CACNA2D3: variants seen among roughly 807,000 people sequenced by gnomAD.
The protein encoded by CACNA2D3 is voltage-dependent calcium channel subunit alpha-2/delta-3.
In CACNA2D3, 60 loss-of-function variants were observed where a neutral mutation model predicts 160.6. That is an observed-to-expected ratio of 0.37 (90% CI 0.30 to 0.46). The LOEUF (loss-of-function observed/expected upper bound fraction) is 0.46. Among genes scored for constraint, CACNA2D3 ranks in the 20% least tolerant of loss-of-function variants. The probability of loss-of-function intolerance (pLI) is 1.00; values close to 1 mark genes in which losing one functional copy is unlikely to be tolerated. For synonymous variants in CACNA2D3, 558 were observed against 492.9 expected (o/e 1.13, Z -1.75); for missense variants, 1,205 against 1,365.0 (o/e 0.88, Z 1.85).
chr3:54,215,885 T>C (rs1009746709), intron 2 of CACNA2D3, among the ~76,000 whole-genome samples: 10 of 65,478 alleles, frequency 1.5e-4, no homozygotes, highest in Non-Finnish European at 3.1e-4. Context: ...TTTTCTTTTC[T>C]TTTTTTTTTC....
chr3:54,694,747 C>T (rs1198231541), intron 11 of CACNA2D3, among the ~76,000 whole-genome samples: 1 of 152,168 alleles, frequency 6.6e-6, no homozygotes, highest in Non-Finnish European at 1.5e-5. Flanking sequence ...CACATGCTTA[C>T]CCCCTCCTCT....
chr3:54,947,200 A>G (rs1701638273), intron 27 of CACNA2D3, among the ~76,000 whole-genome samples: 1 of 152,210 alleles, frequency 6.6e-6, no homozygotes, highest in African/African-American at 2.4e-5. Context: ...TAACTTGCCT[A>G]AATCCCTTCC....
intron 4 of CACNA2D3, among the ~76,000 whole-genome samples, chr3:54,461,860 TGTGATGTTAGG>T (rs1432270311): frequency 9.2e-5 from 14 of 152,348 alleles, no homozygotes; most frequent in Admixed American, 3.9e-4. Flanking sequence ...TTCTTTTAAT[TGTGATGTTAGG>T]GTGTCAATTT....
At chr3:54,589,070 G>C (rs1017032526) in intron 9 of CACNA2D3, among the ~76,000 whole-genome samples, 1 of 151,954 alleles carries the variant, frequency 6.6e-6, no homozygotes, top group African/African-American at 2.4e-5. Flanking sequence ...ATAGTAAGAT[G>C]ATCTTAAAGA....
At chr3:54,455,460 T>A (rs1290317100) in intron 4 of CACNA2D3, among the ~76,000 whole-genome samples, 1 of 152,164 alleles carries the variant, frequency 6.6e-6, no homozygotes, top group African/African-American at 2.4e-5. Flanking sequence ...TGTATGAGTT[T>A]TTTGTATAAT....
At chr3:54,818,241 G>A (rs1022892027) in intron 14 of CACNA2D3, among the ~76,000 whole-genome samples, 1 of 152,192 alleles carries the variant, frequency 6.6e-6, no homozygotes, top group African/African-American at 2.4e-5. Context: ...CCAGGCTGGA[G>A]TGCAACAATC....
At chr3:54,962,431 A>G (rs1702052197) in intron 27 of CACNA2D3, among the ~76,000 whole-genome samples, 1 of 152,344 alleles carries the variant, frequency 6.6e-6, no homozygotes. Context: ...CATATTAGCC[A>G]TGAAACATAA....
At chr3:54,272,237 T>A (rs1203545043) in intron 2 of CACNA2D3, among the ~76,000 whole-genome samples, 1 of 152,132 alleles carries the variant, frequency 6.6e-6, no homozygotes, top group Non-Finnish European at 1.5e-5. Flanking sequence ...TGATTTTGAG[T>A]CACTTCTTTG....
At chr3:54,924,553 G>A (rs1222049530) in intron 27 of CACNA2D3, 1 of 1,305,918 alleles carries the variant, frequency 7.7e-7, no homozygotes, top group Non-Finnish European at 1.1e-6. Flanking sequence ...CTAATGCAGA[G>A]AACAGATGAG....
intron 11 of CACNA2D3, among the ~76,000 whole-genome samples, chr3:54,667,433 A>C (rs565838018): frequency 6.6e-6 from 1 of 152,296 alleles, no homozygotes; most frequent in South Asian, 2.1e-4. Flanking sequence ...TGCCATTTGT[A>C]GTGGATGCAT....
At chr3:54,166,576 G>C (rs916609357) in intron 2 of CACNA2D3, among the ~76,000 whole-genome samples, 4 of 152,174 alleles carry the variant, frequency 2.6e-5, no homozygotes, top group African/African-American at 9.7e-5. Context: ...ATTTGGTAAT[G>C]TGGGGAAGAT....
rs150438995 is a variant in CACNA2D3 at position 54,692,270 on chromosome 3, G to A, written c.1167+50029G>A. Reference sequence around the variant, plus strand: ...ATTACAGGCATGTGTGAGCCACCACGCCCAGCCAGTAATATTAATTTCTTT... The same window carrying A: ...ATTACAGGCATGTGTGAGCCACCACACCCAGCCAGTAATATTAATTTCTTT... On this transcript the variant is annotated intron_variant, in intron 11 of 37. Coordinates refer to ENST00000474759, the MANE Select transcript of CACNA2D3 (RefSeq NM_018398.3). 1.6e-4 allele frequency among the ~76,000 whole-genome samples: 24 copies of A among 152,290 alleles called. 1 individual carries two copies. Among genetic ancestry groups the A allele is most frequent in the Middle Eastern group, 3.4e-3 (1 of 294 alleles).
At chr3:54,997,036 AG>A (rs1432448536) in intron 31 of CACNA2D3, among the ~76,000 whole-genome samples, 1 of 152,064 alleles carries the variant, frequency 6.6e-6, no homozygotes, top group Non-Finnish European at 1.5e-5. Flanking sequence ...GTGGAGGACT[AG>A]GGGAGGGATA....
At chr3:54,970,404 T>G (rs1455153954) in intron 29 of CACNA2D3, among the ~76,000 whole-genome samples, 3 of 142,784 alleles carry the variant, frequency 2.1e-5, no homozygotes. Flanking sequence ...CCTCTTCTGT[T>G]CTCTCTCTCT....
chr3:54,849,386 T>C (rs1467047822), intron 17 of CACNA2D3, among the ~76,000 whole-genome samples: 1 of 152,162 alleles, frequency 6.6e-6, no homozygotes, highest in Non-Finnish European at 1.5e-5. Context: ...TTCCCCCTCC[T>C]CCTTCCTTAA....
chr3:54,276,579 AAAAAAAAAAAAG>A (rs1215781894), intron 2 of CACNA2D3, among the ~76,000 whole-genome samples: 1 of 131,606 alleles, frequency 7.6e-6, no homozygotes, highest in Non-Finnish European at 1.7e-5. Flanking sequence ...TCTCAAAAAA[AAAAAAAAAAAAG>A]AAGAAGAAGA....
intron 2 of CACNA2D3, among the ~76,000 whole-genome samples, chr3:54,237,460 A>G (rs1462101545): frequency 6.6e-6 from 1 of 152,138 alleles, no homozygotes; most frequent in Non-Finnish European, 1.5e-5. Flanking sequence ...TGCTAAGCTA[A>G]GTATCCATGA....
chr3:54,143,180 T>C (rs1699968469), intron 2 of CACNA2D3, among the ~76,000 whole-genome samples: 1 of 152,220 alleles, frequency 6.6e-6, no homozygotes, highest in Admixed American at 6.5e-5. Context: ...CTTCCCAGGA[T>C]TGAAGAAGCT....
At chr3:54,626,942 C>T (rs966591576) in intron 9 of CACNA2D3, among the ~76,000 whole-genome samples, 12 of 152,146 alleles carry the variant, frequency 7.9e-5, no homozygotes, top group African/African-American at 2.9e-4. Context: ...TAATCTCTAG[C>T]TAATGCTGAG....
Sources: allele counts gnomAD v4.1 joint callset (sites outside exome capture counted in the v4.1 genomes callset), GRCh38; gene constraint gnomAD v4.1.1; transcripts MANE v1.5; gene names NCBI Gene and HGNC (gene_info 2026-07-23, HGNC 2026-07-21).